Variants in NR2F1-AS1 observed in about 807,000 individuals in gnomAD.
NR2F1-AS1 encodes the protein NR2F1 antisense RNA 1.
chr5:93,421,673 C>T (rs1749091931), intron 4 of NR2F1-AS1, among the ~76,000 whole-genome samples: 1 of 152,186 alleles, frequency 6.6e-6, no homozygotes. Flanking sequence ...GCAAGTCAAG[C>T]TCCTCCGAGG....
At position 93,517,882 on chromosome 5, in the gene NR2F1-AS1, C is replaced by A. The variant is rs540868214; in HGVS notation, n.638+35879G>T. Among the ~76,000 whole-genome samples, 5 of 152,174 alleles carry A rather than the reference C, an allele frequency of 3.3e-5. No homozygotes were observed. In the South Asian group the frequency reaches 1.0e-3, roughly 32 times the overall value. On this transcript the variant is annotated intron_variant and non_coding_transcript_variant, in intron 4 of 5. Coordinates refer to ENST00000660523, the Ensembl canonical transcript of NR2F1-AS1. ...ATGAGACTATGTGGGTGACCTATTA[C>A]ATACCACTTTTTGTAGTTTACAAAC... is the stretch of plus-strand genomic sequence containing the variant.
chr5:93,529,723 T>C (rs377506403), intron 4 of NR2F1-AS1, among the ~76,000 whole-genome samples: 7 of 152,168 alleles, frequency 4.6e-5, no homozygotes, highest in African/African-American at 1.7e-4. Context: ...TGTAGGTCAG[T>C]TAATATAAAA....
chr5:93,491,784 G>A lies in NR2F1-AS1; in HGVS notation n.638+61977C>T, dbSNP rs1011230785. Among the ~76,000 whole-genome samples the A allele has an allele frequency of 2.0e-5, 3 of 152,232 alleles. No homozygotes were observed. In the East Asian group the frequency reaches 5.8e-4, roughly 29 times the overall value. ...TCAAACTCCATGACTTATACTGGTA[G>A]CCTCCCCAGTTCTCAGGCCCTTGGC... On this transcript the variant is annotated intron_variant and non_coding_transcript_variant, in intron 4 of 5. Coordinates refer to ENST00000660523, the Ensembl canonical transcript of NR2F1-AS1.
At chr5:93,485,249 A>T (rs563045133) in intron 4 of NR2F1-AS1, among the ~76,000 whole-genome samples, 1 of 152,238 alleles carries the variant, frequency 6.6e-6, no homozygotes, top group Admixed American at 6.5e-5. Flanking sequence ...AAAAGTAGAA[A>T]TCATAACAGT....
At chr5:93,562,749 T>C (rs929390565) in intron 2 of NR2F1-AS1, among the ~76,000 whole-genome samples, 1 of 152,204 alleles carries the variant, frequency 6.6e-6, no homozygotes, top group Non-Finnish European at 1.5e-5. Context: ...CAAAAGACCA[T>C]ATCAATTATT....
chr5:93,443,404 A>G (rs981851331), intron 4 of NR2F1-AS1, among the ~76,000 whole-genome samples: 1 of 152,242 alleles, frequency 6.6e-6, no homozygotes, highest in Non-Finnish European at 1.5e-5. Context: ...GGACGCATGT[A>G]CAAGCTTCTG....
intron 4 of NR2F1-AS1, among the ~76,000 whole-genome samples, chr5:93,471,004 T>C (rs562003810): frequency 7.8e-4 from 118 of 152,026 alleles, no homozygotes; most frequent in Non-Finnish European, 2.7e-4. Context: ...TTTCCATTTA[T>C]ACCAAATTTT....
At chr5:93,583,350 C>T (rs1349428235), upstream of NR2F1-AS1, 3 of 148,614 alleles carry the variant, frequency 2.0e-5, no homozygotes, top group African/African-American at 7.5e-5. Context: ...CTTTCTCCCC[C>T]CTCTCTCCCT....
At chr5:93,490,620 T>G (rs569555299) in intron 4 of NR2F1-AS1, among the ~76,000 whole-genome samples, 2,120 of 142,224 alleles carry the variant, frequency 0.015, 59 homozygotes, top group African/African-American at 0.053. Context: ...GTGGTGGTGG[T>G]GGTGGTGGTG....
intron 4 of NR2F1-AS1, among the ~76,000 whole-genome samples, chr5:93,485,550 C>A (rs916994696): frequency 5.3e-5 from 8 of 152,258 alleles, no homozygotes; most frequent in African/African-American, 1.9e-4. Flanking sequence ...ATTAAAAGAA[C>A]TAGAGAAGCA....
At chr5:93,482,922 G>A (rs907267440) in intron 4 of NR2F1-AS1, among the ~76,000 whole-genome samples, 2 of 152,160 alleles carry the variant, frequency 1.3e-5, no homozygotes, top group African/African-American at 4.8e-5. Context: ...TCTGGGCAGG[G>A]CATCTCTGAA....
chr5:93,582,117 G>GC (rs1753111045), upstream of NR2F1-AS1, among the ~76,000 whole-genome samples: 1 of 76,688 alleles, frequency 1.3e-5, no homozygotes, highest in African/African-American at 6.1e-5. Flanking sequence ...CTCCCTCTCC[G>GC]CCTCCCCCCC....
At chr5:93,548,807 G>A (rs1752154886) in intron 4 of NR2F1-AS1, among the ~76,000 whole-genome samples, 1 of 152,114 alleles carries the variant, frequency 6.6e-6, no homozygotes, top group Non-Finnish European at 1.5e-5. Flanking sequence ...GGAGGCAAAG[G>A]TTGCAGTGAA....
upstream of NR2F1-AS1, among the ~76,000 whole-genome samples, chr5:93,582,076 GTC>G (rs200701891): frequency 4.3e-5 from 5 of 115,804 alleles, no homozygotes; most frequent in African/African-American, 1.7e-4. Context: ...CTCTCTCTCT[GTC>G]TCTCTCTCTC....
At chr5:93,442,058 A>G (rs1254967642) in intron 4 of NR2F1-AS1, among the ~76,000 whole-genome samples, 1 of 152,184 alleles carries the variant, frequency 6.6e-6, no homozygotes, top group Non-Finnish European at 1.5e-5. Flanking sequence ...CTTTATAGAA[A>G]ATGCTTGCTA....
chr5:93,542,278 T>A (rs529644527), intron 4 of NR2F1-AS1: 1 of 152,098 alleles, frequency 6.6e-6, no homozygotes, highest in Non-Finnish European at 1.5e-5. Flanking sequence ...TATTAAGACC[T>A]AAAAATTTTT....
At chr5:93,530,075 CTTTTTTTTTTTTT>C (rs1227046832) in intron 4 of NR2F1-AS1, among the ~76,000 whole-genome samples, 2 of 97,914 alleles carry the variant, frequency 2.0e-5, no homozygotes, top group East Asian at 6.0e-4. Flanking sequence ...AATTTGAAGG[CTTTTTTTTTTTTT>C]TTTTTTTTTT....
At chr5:93,539,235 G>A (rs62369944) in intron 4 of NR2F1-AS1, among the ~76,000 whole-genome samples, 23 of 152,150 alleles carry the variant, frequency 1.5e-4, no homozygotes, top group South Asian at 1.2e-3. Flanking sequence ...CTGAGATTGC[G>A]CCTCTGCACT....
intron 4 of NR2F1-AS1, among the ~76,000 whole-genome samples, chr5:93,462,228 G>A (rs985100686): frequency 6.6e-6 from 1 of 152,132 alleles, no homozygotes; most frequent in Non-Finnish European, 1.5e-5. Flanking sequence ...AGGTGATTGA[G>A]TTATGGGGGC....
Sources: allele counts gnomAD v4.1 joint callset (sites outside exome capture counted in the v4.1 genomes callset), GRCh38; gene constraint gnomAD v4.1.1; transcripts MANE v1.5; gene names NCBI Gene and HGNC (gene_info 2026-07-23, HGNC 2026-07-21).